TRRAP: variants seen among roughly 807,000 people sequenced by gnomAD.
TRRAP encodes transformation/transcription domain-associated protein.
TRRAP carries 41 observed loss-of-function variants against 438.8 expected under a neutral mutation model. The observed-to-expected ratio is 0.09, with a 90% CI of 0.07 to 0.12. TRRAP has a LOEUF of 0.12. TRRAP is among the 10% of genes least tolerant of loss of function. The pLI, the probability that TRRAP is intolerant of heterozygous loss-of-function variation, is 1.00. For synonymous variants in TRRAP, 1,994 were observed against 1,962.9 expected, an observed-to-expected ratio of 1.02 and a Z score of -0.42; for missense variants, 3,122 against 5,055.1, an observed-to-expected ratio of 0.62 and a Z score of 11.60.
chr7:98,924,969 C>T lies in TRRAP; in HGVS notation c.2824-143C>T, dbSNP rs573702470. On this transcript the variant is annotated intron_variant, in intron 21 of 72. Coordinates refer to ENST00000456197, the MANE Select transcript of TRRAP (RefSeq NM_001375524.1). The stretch of plus-strand genomic sequence containing the variant: ...CAGTGACCTGAGATACGCGCCACTG[C>T]ACTCCAGCCCAGGCGACAGAGCGAG... 8.9e-6 allele frequency: 10 copies of T among 1,122,500 alleles called. No homozygotes were observed. In the East Asian group the frequency reaches 2.3e-4, roughly 25 times the overall value. The allele number at this position is 1,122,500 out of a possible 1,614,324, so 69.5% of individuals were successfully genotyped here.
Position 98,984,125 on chromosome 7 carries a change from C to T in TRRAP, c.9055C>T (p.His3019Tyr), listed in dbSNP as rs756932580. Reference protein sequence around the residue: ...IVTAYENSSQHDPSSNNAMLG... With the variant: ...IVTAYENSSQYDPSSNNAMLG... Reference sequence around the variant, plus strand: ...AACTGCCTATGAGAATAGCTCTCAGCATGATCCCAGTTCAAATAACGCTAT... The same window carrying T: ...AACTGCCTATGAGAATAGCTCTCAGTATGATCCCAGTTCAAATAACGCTAT... Residue 3019 changes from histidine to tyrosine, a missense_variant, in exon 61 of 73, where the codon CAT becomes TAT. Coordinates refer to ENST00000456197, the MANE Select transcript of TRRAP (RefSeq NM_001375524.1). 1.2e-6 allele frequency: 2 copies of T among 1,612,820 alleles called. No homozygotes were observed. The highest frequency in any genetic ancestry group is 1.7e-6 in the Non-Finnish European group (2 of 1,179,342).
intron 31 of TRRAP, among the ~76,000 whole-genome samples, chr7:98,945,500 T>G (rs1215241953): frequency 6.6e-6 from 1 of 152,240 alleles, no homozygotes; most frequent in Non-Finnish European, 1.5e-5. Flanking sequence ...GAAACCCTAT[T>G]TTGAAAACGT....
intron 67 of TRRAP, among the ~76,000 whole-genome samples, chr7:99,002,752 T>C (rs1174368229): frequency 6.6e-6 from 1 of 152,066 alleles, no homozygotes; most frequent in East Asian, 1.9e-4. Flanking sequence ...ACAAAATACA[T>C]TGGCTTTCAT....
Position 98,976,815 on chromosome 7 carries a change from GACTTCAC to G in TRRAP, c.8247+50_8247+56del. On this transcript the variant is annotated intron_variant, in intron 55 of 72. Transcript: ENST00000456197. This position sits in a 1 kb window ranked among gnomAD's most constrained non-coding sequence, Gnocchi z 4.6. ...TGTTAATTACCTCTTCCCTGCCAGT[GACTTCAC>G]ACTTTAAATAAATACTCCTCCCAAA... The G allele has an allele frequency of 6.2e-7, 1 of 1,603,442 alleles. No homozygotes were observed. Among genetic ancestry groups the G allele is most frequent in the South Asian group, 1.1e-5 (1 of 90,308 alleles).
chr7:98,993,449 G>A (rs974140104), intron 65 of TRRAP, 89 bp from the exon 66 acceptor site: 45 of 1,388,486 alleles, frequency 3.2e-5, no homozygotes, highest in Admixed American at 8.0e-5. Flanking sequence ...AGGAACCAGC[G>A]CTCCTTTGGC....
intron 67 of TRRAP, among the ~76,000 whole-genome samples, chr7:99,002,891 G>A (rs1584413138): frequency 6.6e-6 from 1 of 152,200 alleles, no homozygotes; most frequent in African/African-American, 2.4e-5. Flanking sequence ...TATGCCCAGC[G>A]CCTCATGTGC....
rs182028720 is a variant in TRRAP, at chr7:98,930,347, C to T, written c.3393+141C>T. On this transcript the variant is annotated intron_variant, in intron 24 of 72. Coordinates refer to ENST00000456197, the MANE Select transcript of TRRAP (RefSeq NM_001375524.1). ...ATCCCAGCACTTTGAGAGGCCAAGG[C>T]GGGCGGCTCACCTGAGGTTGGGAGT... The T allele has an allele frequency of 2.2e-4, 239 of 1,107,418 alleles. 1 individual carries two copies. The African/African-American group carries it at 3.3e-3, about 15-fold the overall frequency. 68.6% of individuals were successfully genotyped at this position (1,107,418 alleles called of 1,614,324 possible).
chr7:98,886,913 T>A (rs1335289016), intron 3 of TRRAP, among the ~76,000 whole-genome samples: 1 of 152,100 alleles, frequency 6.6e-6, no homozygotes, highest in African/African-American at 2.4e-5. Flanking sequence ...TTATAAAAAA[T>A]TTTTTTAGAG....
intron 69 of TRRAP, 81 bp from the exon 70 acceptor site, chr7:99,008,296 C>T: frequency 6.9e-7 from 1 of 1,457,680 alleles, no homozygotes; most frequent in Non-Finnish European, 9.5e-7. Flanking sequence ...AGCTCTGCTC[C>T]CAGTGGCACT....
chr7:98,996,129 A>T (rs1793647992), intron 67 of TRRAP, among the ~76,000 whole-genome samples: 2 of 147,052 alleles, frequency 1.4e-5, no homozygotes, highest in Admixed American at 1.3e-4. Context: ...ACTTACCCTC[A>T]TCCCATCATA....
At chr7:99,007,293 A>G (rs1003996211) in intron 69 of TRRAP, among the ~76,000 whole-genome samples, 2 of 152,220 alleles carry the variant, frequency 1.3e-5, no homozygotes, top group African/African-American at 4.8e-5. Context: ...GACTCTTCCC[A>G]TAGACTCTGA....
chr7:98,885,706 A>G (rs977234671), intron 3 of TRRAP, among the ~76,000 whole-genome samples: 32 of 152,106 alleles, frequency 2.1e-4, no homozygotes, highest in Non-Finnish European at 4.0e-4. Context: ...GAGGCAGAAG[A>G]GTATACCCTG....
At position 98,993,529 on chromosome 7, in the gene TRRAP, T is replaced by C; in HGVS notation, c.9848-9T>C. 1 of 1,608,058 alleles carries C rather than the reference T, an allele frequency of 6.2e-7. No homozygotes were observed. Among genetic ancestry groups the C allele is most frequent in the East Asian group, 2.2e-5 (1 of 44,878 alleles). On this transcript the variant is annotated splice_polypyrimidine_tract_variant and intron_variant, in intron 65 of 72. Coordinates refer to ENST00000456197, the MANE Select transcript of TRRAP (RefSeq NM_001375524.1). ...GCGCTGACACTGGCGTTGTGTGTGT[T>C]GCTCTCAGATTCTGGACAGCAGCAG...
At chr7:99,004,056 A>G (rs1447407746) in intron 67 of TRRAP, 134 bp from the exon 68 acceptor site, 33 of 889,064 alleles carry the variant, frequency 3.7e-5, no homozygotes, top group Non-Finnish European at 5.0e-5. Flanking sequence ...CAGGGCAACA[A>G]GAGTGAAACT....
chr7:98,904,299 C>T (rs568616290), intron 12 of TRRAP, among the ~76,000 whole-genome samples: 15 of 151,814 alleles, frequency 9.9e-5, no homozygotes, highest in South Asian at 4.2e-4. Context: ...CTGGCTGACA[C>T]GGTGAAACAC....
At chr7:98,958,613 T>G (rs1791737701) in intron 44 of TRRAP, among the ~76,000 whole-genome samples, 1 of 152,154 alleles carries the variant, frequency 6.6e-6, no homozygotes, top group African/African-American at 2.4e-5. Flanking sequence ...TAGGATTTTT[T>G]TAAAAAGCAT....
intron 11 of TRRAP, among the ~76,000 whole-genome samples, chr7:98,901,291 C>A (rs1325834547): frequency 6.6e-6 from 1 of 152,222 alleles, no homozygotes; most frequent in Admixed American, 6.5e-5. Flanking sequence ...GTTCTCTCCT[C>A]CTCTTACACG....
chr7:98,974,419 C>A (rs528093837), intron 53 of TRRAP, among the ~76,000 whole-genome samples: 24 of 152,174 alleles, frequency 1.6e-4, no homozygotes, highest in Non-Finnish European at 2.6e-4. Context: ...TTCTCTTTCA[C>A]CTCATTTCCC....
Position 98,964,580 on chromosome 7 carries a change from TC to T in TRRAP, c.6830-48del, listed in dbSNP as rs1184417494. 2.5e-6 allele frequency: 4 copies of T among 1,594,126 alleles called. No individual in the cohort carries two copies. The Admixed American group carries it at 7.1e-5, about 28-fold the overall frequency. On this transcript the variant is annotated intron_variant, in intron 47 of 72. Coordinates refer to ENST00000456197, the MANE Select transcript of TRRAP (RefSeq NM_001375524.1). ...TAATGTGTTGCTTTCACTCTGTTTT[TC>T]GTGGTTGTTACTTTTCTGTGAAACA... is the stretch of plus-strand genomic sequence containing the variant.
Sources: gnomAD v4.1 joint callset for allele counts (sites outside exome capture counted in the v4.1 genomes callset) on GRCh38, gnomAD v4.1.1 for gene constraint, Gnocchi (gnomAD v3.1) non-coding constraint, MANE v1.5 for transcripts, NCBI Gene and HGNC (gene_info 2026-07-23, HGNC 2026-07-21) for gene names.